The following CR1 variants were observed in gnomAD, a reference collection of about 807,000 sequenced individuals.
CR1 encodes complement C3b/C4b receptor 1 (Knops blood group).
A neutral mutation model predicts 187.3 loss-of-function variants in CR1; 116 were observed. The observed-to-expected ratio is 0.62, with a 90% CI of 0.53 to 0.72. The LOEUF (loss-of-function observed/expected upper bound fraction) is 0.72. Among genes scored for constraint, CR1 ranks in the 30% least tolerant of loss-of-function variants. The pLI is 0.00. For missense variants in CR1, 1,731 were observed against 2,110.7 expected, an observed-to-expected ratio of 0.82 and a Z score of 3.52; for synonymous variants, 576 against 747.1, an observed-to-expected ratio of 0.77 and a Z score of 3.73.
intron 1 of CR1, among the ~76,000 whole-genome samples, 191 bp downstream of exon 1, chr1:207,496,579 C>G (rs9429943): frequency 0.69 from 105,151 of 152,134 alleles, 37,686 homozygotes; most frequent in East Asian, 0.96. Context: ...GAGACCCTCG[C>G]TGCTTCTGGG....
intron 1 of CR1, among the ~76,000 whole-genome samples, chr1:207,505,299 G>C (rs769562478): frequency 6.6e-6 from 1 of 152,096 alleles, no homozygotes; most frequent in Non-Finnish European, 1.5e-5. Context: ...GCACAGGCAT[G>C]TGTACAGGCA....
chr1:207,523,692 T>A lies in CR1; in HGVS notation c.569T>A (p.Val190Glu), dbSNP rs1489235099. 1.1e-5 allele frequency: 18 copies of A among 1,613,652 alleles called. No homozygotes were observed. Among genetic ancestry groups the A allele is most frequent in the Non-Finnish European group, 1.5e-5 (18 of 1,179,880 alleles). ...AGAGAGAATTTTCACTATGGATCAG[T>A]GGTGACCTACCGCTGCAATCCTGGA... ...TNRENFHYGS[V>E]VTYRCNPGSG... is the part of the protein sequence containing the mutation. Residue 190 changes from valine (V) to glutamate (E), a missense_variant, in exon 5 of 47, where the codon GTG (valine) becomes GAG (glutamate). This residue lies in a region of CR1 where 237 missense variants were observed against 240.4 expected (regional missense o/e 0.99). Transcript: ENST00000367049.
rs761913094 is a variant in CR1 at position 207,622,014 on chromosome 1, T to C, written c.7276+18T>C. 7 of 1,589,134 alleles carry C rather than the reference T, an allele frequency of 4.4e-6. No homozygotes were observed. The South Asian group carries it at 7.9e-5, about 18-fold the overall frequency. On this transcript the variant is annotated intron_variant, in intron 44 of 46. Transcript: ENST00000367049. ...CATAGTTGGTAAGTTTTATGAAAGT[T>C]TTGCTGAGGAATTCTGGCATCTATA...
intron 27 of CR1, among the ~76,000 whole-genome samples, chr1:207,573,545 C>T (rs1289166769): frequency 2.0e-5 from 3 of 151,660 alleles, no homozygotes; most frequent in East Asian, 3.9e-4. Flanking sequence ...AGAGACCAGT[C>T]TGAAAAATCA....
chr1:207,637,593 G>T (rs1057109439), intron 46 of CR1, among the ~76,000 whole-genome samples: 5 of 152,208 alleles, frequency 3.3e-5, no homozygotes, highest in African/African-American at 1.2e-4. Context: ...ACCAATTTTG[G>T]ACTGCAGGCA....
chr1:207,628,303 C>CA (rs1366992818), intron 45 of CR1, among the ~76,000 whole-genome samples: 1 of 152,144 alleles, frequency 6.6e-6, no homozygotes, highest in Non-Finnish European at 1.5e-5. Context: ...CTATGATCCC[C>CA]TGTGAGCAGG....
At chr1:207,521,813 T>C (rs1660006475) in intron 4 of CR1, among the ~76,000 whole-genome samples, 1 of 145,614 alleles carries the variant, frequency 6.9e-6, no homozygotes, top group Admixed American at 7.0e-5. Flanking sequence ...GGATAATATA[T>C]ATATATATAT....
intron 45 of CR1, among the ~76,000 whole-genome samples, chr1:207,626,169 C>T (rs896375414): frequency 1.6e-4 from 25 of 152,288 alleles, no homozygotes; most frequent in African/African-American, 6.0e-4. Flanking sequence ...ATGAAGTCAG[C>T]CATGTTAGAT....
Position 207,625,371 on chromosome 1 carries a change from T to C in CR1, c.7352+2303T>C, listed in dbSNP as rs10779336. On this transcript the variant is annotated intron_variant, in intron 45 of 46. Transcript: ENST00000367049. ...CCTCGTTAGACTTAAAGGTCAGGGA[T>C]GTAAACCTCCCAAACATCTATGTAA... Among the ~76,000 whole-genome samples the C allele has an allele frequency of 6.6e-5, 10 of 152,218 alleles. No individual in the cohort carries two copies. In the South Asian group the frequency reaches 2.1e-3, roughly 32 times the overall value.
At chr1:207,602,238 G>A (rs189176311) in intron 35 of CR1, among the ~76,000 whole-genome samples, 1 of 152,022 alleles carries the variant, frequency 6.6e-6, no homozygotes, top group East Asian at 1.9e-4. Context: ...TCAAGAAATA[G>A]ATAATCCAAG....
At chr1:207,605,297 G>GA (rs1410750694) in intron 35 of CR1, among the ~76,000 whole-genome samples, 3 of 147,168 alleles carry the variant, frequency 2.0e-5, no homozygotes, top group Non-Finnish European at 4.5e-5. Flanking sequence ...AAAAGAAAGG[G>GA]AAAAAAAATT....
intron 45 of CR1, among the ~76,000 whole-genome samples, chr1:207,623,478 G>A (rs1008022830): frequency 1.3e-5 from 2 of 151,874 alleles, no homozygotes; most frequent in Admixed American, 6.6e-5. Flanking sequence ...CCAGCTACTC[G>A]GGAGGTTGAA....
chr1:207,584,817 C>T lies in CR1; in HGVS notation c.5471C>T (p.Pro1824Leu), dbSNP rs747384502. 3.1e-6 allele frequency: 5 copies of T among 1,613,856 alleles called. No individual in the cohort carries two copies. The highest frequency in any genetic ancestry group is 2.7e-5 in the African/African-American group (2 of 74,902). ...GESTIRCTSDPHGNGVWSSPA... is the reference protein window; with the variant it reads ...GESTIRCTSDLHGNGVWSSPA... ...AGCACCATCCGCTGCACAAGTGACC[C>T]TCATGGGAATGGGGTTTGGAGCAGC... Residue 1824 changes from proline to leucine, a missense_variant, in exon 33 of 47, where the codon CCT becomes CTT. By Grantham distance (98) the Pro-to-Leu change is moderately conservative. Around this residue, in one of 5 missense-constraint regions of CR1, gnomAD observed 1,312 missense variants for 1,379.6 expected, o/e 0.95. Coordinates refer to ENST00000367049, the MANE Select transcript of CR1 (RefSeq NM_000651.6).
At chr1:207,622,059 A>G (rs1465967075) in intron 44 of CR1, 63 bp downstream of exon 44, 11 of 1,282,038 alleles carry the variant, frequency 8.6e-6, no homozygotes, top group African/African-American at 1.5e-5. Context: ...ACCTACCTAT[A>G]ATGAATGAAA....
intron 41 of CR1, among the ~76,000 whole-genome samples, chr1:207,617,598 TATATATATATATATAGAGAGAGAG>T (rs1349757873): frequency 4.3e-3 from 164 of 38,368 alleles, no homozygotes; most frequent in Middle Eastern, 0.013. Flanking sequence ...TATATATATA[TATATATATATATATAGAGAGAGAG>T]AGAGAGAGAG....
intron 35 of CR1, 31 bp from the exon 36 acceptor site, chr1:207,607,220 G>A: frequency 2.0e-6 from 3 of 1,510,858 alleles, no homozygotes; most frequent in South Asian, 1.1e-5. Context: ...AATATGTGTA[G>A]CGTATAACCA....
chr1:207,588,079 C>T (rs573386195), intron 34 of CR1, among the ~76,000 whole-genome samples: 2 of 152,310 alleles, frequency 1.3e-5, no homozygotes, highest in Admixed American at 6.5e-5. Flanking sequence ...ATTTTGAGGC[C>T]TTTGATTTTG....
chr1:207,582,378 G>A (rs1660984107), intron 32 of CR1, among the ~76,000 whole-genome samples: 1 of 152,176 alleles, frequency 6.6e-6, no homozygotes, highest in Non-Finnish European at 1.5e-5. Flanking sequence ...TCTTTCAACA[G>A]AAAATTATTT....
chr1:207,636,845 C>G (rs1220573501), intron 46 of CR1, among the ~76,000 whole-genome samples: 1 of 152,196 alleles, frequency 6.6e-6, no homozygotes, highest in African/African-American at 2.4e-5. Flanking sequence ...CTTGCCCTCA[C>G]CAGCAGAATA....
Sources: allele counts gnomAD v4.1 joint callset (sites outside exome capture counted in the v4.1 genomes callset), GRCh38; gene constraint gnomAD v4.1.1; regional missense constraint gnomAD v4.1.1; transcripts MANE v1.5; gene names NCBI Gene and HGNC (gene_info 2026-07-23, HGNC 2026-07-21).